ZNF486: variants seen among roughly 807,000 people sequenced by gnomAD.
ZNF486 encodes KRAB box only protein 2.
In ZNF486, 12 loss-of-function variants were observed where a neutral mutation model predicts 12.8. The ratio of observed to expected loss-of-function variants is 0.94; its 90% CI spans 0.60 to 1.52. The LOEUF (loss-of-function observed/expected upper bound fraction) is 1.52. ZNF486 is among the 40% of genes most tolerant of loss of function. ZNF486 has a pLI of 0.00. For missense variants in ZNF486, 738 were observed against 545.0 expected, an observed-to-expected ratio of 1.35 and a Z score of -3.53; for synonymous variants, 231 against 184.9, an observed-to-expected ratio of 1.25 and a Z score of -2.02.
At position 20,198,265 on chromosome 19, in the gene ZNF486, GGC is replaced by G. The variant is rs2089981553; in HGVS notation, c.*164_*165del. 6.4e-6 allele frequency: 4 copies of G among 621,716 alleles called. No individual in the cohort carries two copies. The highest frequency in any genetic ancestry group is 1.1e-5 in the Non-Finnish European group (4 of 358,510). 38.5% of individuals were successfully genotyped at this position (621,716 alleles called of 1,614,324 possible). A position where few individuals can be genotyped will look rare whatever the true frequency, so the allele number is the denominator to read the frequency against. ...ATTACAGGGCTGCACCACCACACCT[GGC>G]TAATTTTGTATTTTTAGTAGAGATG... On this transcript the variant is annotated 3_prime_UTR_variant, in exon 4 of 4. Coordinates refer to ENST00000335117, the MANE Select transcript of ZNF486 (RefSeq NM_052852.4).
chr19:20,199,830 C>T lies in ZNF486; in HGVS notation c.*1728C>T, dbSNP rs551681639. Reference sequence around the variant, plus strand: ...GTGGCTCATGCCTGTAATCCCAACACTTTGGGAGGCCAAGGCAGGTGGATC... The same window carrying T: ...GTGGCTCATGCCTGTAATCCCAACATTTTGGGAGGCCAAGGCAGGTGGATC... On this transcript the variant is annotated 3_prime_UTR_variant, in exon 4 of 4. Transcript: ENST00000335117. The T allele has an allele frequency of 1.3e-5, 2 of 152,228 alleles. No individual in the cohort carries two copies. The highest frequency in any genetic ancestry group is 4.8e-5 in the African/African-American group (2 of 41,540). The allele number at this position is 152,228 out of a possible 1,614,324, so 9.4% of individuals were successfully genotyped here. A position where few individuals can be genotyped will look rare whatever the true frequency, so the allele number is the denominator to read the frequency against.
At chr19:20,170,353 C>T (rs996535134) in intron 1 of ZNF486, among the ~76,000 whole-genome samples, 1 of 151,620 alleles carries the variant, frequency 6.6e-6, no homozygotes, top group African/African-American at 2.4e-5. Context: ...TGAGGCAGGC[C>T]GAACACCTGA....
chr19:20,179,424 T>A (rs1162386668), intron 1 of ZNF486, among the ~76,000 whole-genome samples: 1 of 152,186 alleles, frequency 6.6e-6, no homozygotes, highest in Non-Finnish European at 1.5e-5. Context: ...TGCTCCCAGG[T>A]TATAACCCTT....
At chr19:20,171,209 T>C (rs1415367214) in intron 1 of ZNF486, among the ~76,000 whole-genome samples, 1 of 152,194 alleles carries the variant, frequency 6.6e-6, no homozygotes, top group Non-Finnish European at 1.5e-5. Flanking sequence ...TGTTTGGGAT[T>C]GGGAGGCTCC....
At chr19:20,195,150 G>A (rs2089945628) in intron 3 of ZNF486, among the ~76,000 whole-genome samples, 3 of 152,082 alleles carry the variant, frequency 2.0e-5, no homozygotes, top group South Asian at 4.1e-4. Context: ...GGGTTTACAG[G>A]CATCAGCCAC....
intron 1 of ZNF486, among the ~76,000 whole-genome samples, chr19:20,170,138 C>A (rs1445525843): frequency 6.6e-6 from 1 of 151,558 alleles, no homozygotes; most frequent in African/African-American, 2.4e-5. Context: ...ACCTTGTGAT[C>A]CGCCCGCCTC....
At position 20,175,944 on chromosome 19, in the gene ZNF486, G is replaced by C. The variant is rs531327758; in HGVS notation, c.31-8412G>C. Among the ~76,000 whole-genome samples, 809 of 151,232 alleles carry C rather than the reference G, an allele frequency of 5.3e-3. 13 individuals are homozygous for C. Among genetic ancestry groups the C allele is most frequent in the African/African-American group, 0.019 (785 of 41,140 alleles). On this transcript the variant is annotated intron_variant, in intron 1 of 3. Coordinates refer to ENST00000335117, the MANE Select transcript of ZNF486 (RefSeq NM_052852.4). ...CGCCCCTCACCTCCCGGATGGGGCG[G>C]CTGGCCGGGCAGGGGACTGACCCCA...
In ZNF486 at chr19:20,175,709, GAA is replaced by G. The variant is rs1177817272; in HGVS notation, c.30+8352_30+8353del. On this transcript the variant is annotated intron_variant, in intron 1 of 3. Transcript: ENST00000335117. ...AATTTTTCTTAGTACAGACCAAAAT[GAA>G]AAGTCTCCCATGTCTACTTCTTTCT... 5.3e-5 allele frequency among the ~76,000 whole-genome samples: 8 copies of G among 152,300 alleles called. No individual in the cohort carries two copies. The East Asian group carries it at 9.6e-4, about 18-fold the overall frequency.
At chr19:20,187,074 C>T (rs956031836) in intron 3 of ZNF486, among the ~76,000 whole-genome samples, 18 of 152,072 alleles carry the variant, frequency 1.2e-4, no homozygotes, top group Admixed American at 3.9e-4. Flanking sequence ...TGAGCCACCC[C>T]GCCCGGCCCA....
intron 1 of ZNF486, among the ~76,000 whole-genome samples, chr19:20,172,372 C>G (rs2089657973): frequency 6.6e-6 from 1 of 151,068 alleles, no homozygotes; most frequent in Non-Finnish European, 1.5e-5. Flanking sequence ...ATAGCGTAAT[C>G]TTGACCAACT....
At position 20,182,458 on chromosome 19, in the gene ZNF486, T is replaced by C. The variant is rs148327186; in HGVS notation, c.31-1898T>C. On this transcript the variant is annotated intron_variant, in intron 1 of 3. Coordinates refer to ENST00000335117, the MANE Select transcript of ZNF486 (RefSeq NM_052852.4). ...TGTTTGTTCTGCATGGAAGCACTTA[T>C]GTTGTTTTAATGAAGGGTCTCATGT... Among the ~76,000 whole-genome samples the C allele has an allele frequency of 7.9e-5, 12 of 152,328 alleles. 1 individual carries two copies. Among genetic ancestry groups the C allele is most frequent in the African/African-American group, 2.4e-4 (10 of 41,580 alleles).
intron 3 of ZNF486, chr19:20,188,337 A>C (rs2089870389): frequency 2.5e-6 from 1 of 397,744 alleles, no homozygotes; most frequent in Non-Finnish European, 4.4e-6. Flanking sequence ...TTTCTTTAAA[A>C]AAATTGTTTT....
At chr19:20,190,877 G>T (rs1287997610) in intron 3 of ZNF486, among the ~76,000 whole-genome samples, 1 of 152,128 alleles carries the variant, frequency 6.6e-6, no homozygotes, top group Non-Finnish European at 1.5e-5. Context: ...TTCAATGTTG[G>T]ATGTGGGACC....
intron 1 of ZNF486, among the ~76,000 whole-genome samples, chr19:20,177,589 T>C (rs1217974299): frequency 6.6e-6 from 1 of 152,198 alleles, no homozygotes; most frequent in Non-Finnish European, 1.5e-5. Flanking sequence ...AAAACGTTTG[T>C]TTTTTGAGAT....
chr19:20,198,148 CTGT>C lies in ZNF486; in HGVS notation c.*51_*53del, dbSNP rs782484917. 37 of 1,482,180 alleles carry C rather than the reference CTGT, an allele frequency of 2.5e-5. No individual in the cohort carries two copies. The highest frequency in any genetic ancestry group is 3.1e-5 in the Non-Finnish European group (34 of 1,111,248). The allele number at this position is 1,482,180 out of a possible 1,614,324, so 91.8% of individuals were successfully genotyped here. A position where few individuals can be genotyped will look rare whatever the true frequency, so the allele number is the denominator to read the frequency against. On this transcript the variant is annotated 3_prime_UTR_variant, in exon 4 of 4. Transcript: ENST00000335117. The stretch of plus-strand genomic sequence containing the variant: ...ATTATTTTTTTGAGAGGTAATTCTG[CTGT>C]TGTTTCCCAGGCTGGAGTGCAATGG...
chr19:20,184,278 ACT>A (rs1414288187), intron 1 of ZNF486, 76 bp from the exon 2 acceptor site: 13 of 1,594,854 alleles, frequency 8.2e-6, no homozygotes, highest in Middle Eastern at 1.7e-4. Flanking sequence ...CAGTTCTCTT[ACT>A]CTCTCATTTC....
chr19:20,179,542 C>G (rs936399563), intron 1 of ZNF486, among the ~76,000 whole-genome samples: 1 of 152,032 alleles, frequency 6.6e-6, no homozygotes, highest in East Asian at 1.9e-4. Flanking sequence ...TGAGAGCTCT[C>G]TTTTGACTGT....
chr19:20,174,379 GT>G (rs869290627), intron 1 of ZNF486, among the ~76,000 whole-genome samples: 5 of 148,188 alleles, frequency 3.4e-5, no homozygotes, highest in Non-Finnish European at 7.4e-5. Context: ...ACAGTATTTT[GT>G]TTTTCTTTCT....
At chr19:20,177,455 G>GT (rs1162307462) in intron 1 of ZNF486, among the ~76,000 whole-genome samples, 3 of 152,216 alleles carry the variant, frequency 2.0e-5, no homozygotes, top group Non-Finnish European at 4.4e-5. Context: ...GATGAACGAT[G>GT]TATGACATGG....
Sources: gnomAD v4.1 joint callset for allele counts (sites outside exome capture counted in the v4.1 genomes callset) on GRCh38, gnomAD v4.1.1 for gene constraint, MANE v1.5 for transcripts, NCBI Gene and HGNC (gene_info 2026-07-23, HGNC 2026-07-21) for gene names.